CAMK2B: variants seen among roughly 807,000 people sequenced by gnomAD.
CAMK2B encodes calcium/calmodulin dependent protein kinase II beta, also known as calcium/calmodulin-dependent protein kinase type II subunit beta.
CAMK2B carries 27 observed loss-of-function variants against 93.7 expected under a neutral mutation model. The ratio of observed to expected loss-of-function variants is 0.29; its 90% CI spans 0.21 to 0.40. CAMK2B has a LOEUF of 0.40. Among genes scored for constraint, CAMK2B ranks in the 10% least tolerant of loss-of-function variants. The probability of loss-of-function intolerance (pLI) is 1.00; values close to 1 mark genes in which losing one functional copy is unlikely to be tolerated. For synonymous variants in CAMK2B, 374 were observed against 358.8 expected (o/e 1.04, Z -0.48); for missense variants, 568 against 895.8 (o/e 0.63, Z 4.67).
chr7:44,273,081 C>G (rs960962646), intron 2 of CAMK2B, among the ~76,000 whole-genome samples: 3 of 152,188 alleles, frequency 2.0e-5, no homozygotes, highest in Admixed American at 6.5e-5. Context: ...GGCTAAGTAC[C>G]CACCCAGGCA....
chr7:44,303,121 G>T (rs1305382083), intron 1 of CAMK2B, among the ~76,000 whole-genome samples: 1 of 152,060 alleles, frequency 6.6e-6, no homozygotes, highest in African/African-American at 2.4e-5. Flanking sequence ...TGAATGATTG[G>T]AATTGGAATT....
chr7:44,229,321 TGGCCCCTCTAGGG>T, intron 18 of CAMK2B, 54 bp downstream of exon 18: 1 of 1,049,028 alleles, frequency 9.5e-7, no homozygotes, highest in Non-Finnish European at 1.4e-6. Context: ...GGCTCTGGAG[TGGCCCCTCTAGGG>T]GGTTGCCAGC....
Position 44,301,381 on chromosome 7 carries a change from C to G in CAMK2B, c.66-17156G>C, listed in dbSNP as rs377488681. On this transcript the variant is annotated intron_variant, in intron 1 of 23. Coordinates refer to ENST00000395749, the MANE Select transcript of CAMK2B (RefSeq NM_001220.5). ...TGAACTCCTGTCCTCAAGTGGTTCT[C>G]CCACCCTGTCCTCCCAAAGCACTGG... Among the ~76,000 whole-genome samples, 68 of 152,294 alleles carry G rather than the reference C, an allele frequency of 4.5e-4. 1 individual carries two copies. In the South Asian group the frequency reaches 0.014, roughly 31 times the overall value.
intron 6 of CAMK2B, chr7:44,245,042 G>A (rs1251852066): frequency 2.2e-6 from 1 of 452,036 alleles, no homozygotes; most frequent in East Asian, 7.0e-5. Flanking sequence ...GACAGAGGAG[G>A]GGTCAGGGGC....
intron 1 of CAMK2B, among the ~76,000 whole-genome samples, chr7:44,309,253 T>A (rs1015110174): frequency 6.6e-6 from 1 of 152,194 alleles, no homozygotes; most frequent in Admixed American, 6.5e-5. Flanking sequence ...GCTGCCCAGC[T>A]GAAGCCGGGC....
At chr7:44,284,331 C>T in intron 1 of CAMK2B, 106 bp from the exon 2 acceptor site, 1 of 824,440 alleles carries the variant, frequency 1.2e-6, no homozygotes, top group Non-Finnish European at 1.9e-6. Context: ...AGCATTCAGC[C>T]ACCGGCCCGG....
chr7:44,250,974 C>G (rs1191460288), intron 5 of CAMK2B, among the ~76,000 whole-genome samples: 1 of 152,242 alleles, frequency 6.6e-6, no homozygotes, highest in Non-Finnish European at 1.5e-5. Context: ...GAATTTCCAG[C>G]TTTGTTGGTT....
chr7:44,318,888 G>A (rs910902113), intron 1 of CAMK2B, among the ~76,000 whole-genome samples: 3 of 152,162 alleles, frequency 2.0e-5, no homozygotes, highest in African/African-American at 7.2e-5. Flanking sequence ...TGTCCACCAG[G>A]AACTGAGCCC....
At chr7:44,239,696 G>T in intron 12 of CAMK2B, 33 bp from the exon 13 acceptor site, 9 of 1,399,046 alleles carry the variant, frequency 6.4e-6, no homozygotes, top group Non-Finnish European at 7.9e-6. Context: ...GAGGGGAAGG[G>T]AGGGGTGGGC....
chr7:44,301,798 A>C (rs952940486), intron 1 of CAMK2B, among the ~76,000 whole-genome samples: 4 of 152,160 alleles, frequency 2.6e-5, no homozygotes, highest in Non-Finnish European at 5.9e-5. Flanking sequence ...GAAAAGAAGA[A>C]AATAGAAATC....
At chr7:44,227,881 AGG>A (rs1034867642) in intron 19 of CAMK2B, among the ~76,000 whole-genome samples, 21 of 76,244 alleles carry the variant, frequency 2.8e-4, no homozygotes, top group Admixed American at 2.3e-3. Flanking sequence ...TGGGGGACAG[AGG>A]GGGATGTAGG....
Position 44,325,426 on chromosome 7 carries a change from G to A in CAMK2B, c.-5C>T, listed in dbSNP as rs2116765214. ...GCAGGTCACCGTGGTGGCCATGGCG[G>A]CGGCGGACGGGCTCGGCGTGCGCTC... On this transcript the variant is annotated 5_prime_UTR_variant, in exon 1 of 24. Transcript: ENST00000395749. 1 of 1,150,328 alleles carries A rather than the reference G, an allele frequency of 8.7e-7. No homozygotes were observed. The highest frequency in any genetic ancestry group is 2.5e-5 in the South Asian group (1 of 40,246). 71.3% of individuals were successfully genotyped at this position (1,150,328 alleles called of 1,614,324 possible).
chr7:44,289,203 A>T (rs888221268), intron 1 of CAMK2B, among the ~76,000 whole-genome samples: 1 of 151,804 alleles, frequency 6.6e-6, no homozygotes, highest in Non-Finnish European at 1.5e-5. Context: ...ACCCCCACGG[A>T]GCTCCCCACC....
At chr7:44,318,113 CCTAA>C (rs1462785261) in intron 1 of CAMK2B, among the ~76,000 whole-genome samples, 4 of 152,136 alleles carry the variant, frequency 2.6e-5, no homozygotes, top group Admixed American at 1.3e-4. Context: ...CCAGAAAGCC[CCTAA>C]CTAATGGCCT....
chr7:44,277,724 T>C (rs1172195411), intron 2 of CAMK2B, among the ~76,000 whole-genome samples: 1 of 151,976 alleles, frequency 6.6e-6, no homozygotes, highest in East Asian at 1.9e-4. Flanking sequence ...CAACCCTTGC[T>C]CTCTGGGTCC....
intron 1 of CAMK2B, among the ~76,000 whole-genome samples, chr7:44,304,654 G>A (rs1450065174): frequency 6.6e-6 from 1 of 152,202 alleles, no homozygotes. Context: ...AAACTACTCT[G>A]TGTGACACTG....
At chr7:44,273,674 G>A (rs960385845) in intron 2 of CAMK2B, among the ~76,000 whole-genome samples, 2 of 152,202 alleles carry the variant, frequency 1.3e-5, no homozygotes, top group African/African-American at 4.8e-5. Context: ...TGGGGGTGCA[G>A]GACCCACCCT....
rs181911226 is a variant in CAMK2B at position 44,279,020 on chromosome 7, C to T, written c.160+5111G>A. ...GGCAGACAACCCAATTGTGCAGGGC[C>T]GTGTGACCCAAAGGTTCAATTCTGA... On this transcript the variant is annotated intron_variant, in intron 2 of 23. Transcript: ENST00000395749. Among the ~76,000 whole-genome samples, 192 of 152,268 alleles carry T rather than the reference C, an allele frequency of 1.3e-3. 3 individuals are homozygous for T. In the South Asian group the frequency reaches 0.022, roughly 18 times the overall value.
At chr7:44,265,596 C>T (rs1009437156) in intron 2 of CAMK2B, among the ~76,000 whole-genome samples, 3 of 152,200 alleles carry the variant, frequency 2.0e-5, no homozygotes, top group Non-Finnish European at 4.4e-5. Context: ...AACGCATTCT[C>T]CTGGGACACA....
Sources: gnomAD v4.1 joint callset for allele counts (sites outside exome capture counted in the v4.1 genomes callset) on GRCh38, gnomAD v4.1.1 for gene constraint, MANE v1.5 for transcripts, NCBI Gene and HGNC (gene_info 2026-07-23, HGNC 2026-07-21) for gene names.